FLG: variants seen among roughly 807,000 people sequenced by gnomAD.
The protein encoded by FLG is epidermal filaggrin.
Under a neutral mutation model 3.8 loss-of-function variants are expected in FLG, and 6 were observed. The ratio of observed to expected loss-of-function variants is 1.60; its 90% CI spans 0.87 to 3.15. FLG has a LOEUF of 3.15. FLG is among the 30% of genes most tolerant of loss of function. The pLI, the probability that FLG is intolerant of heterozygous loss-of-function variation, is 0.00. For missense variants in FLG, 7,595 were observed against 5,050.9 expected (o/e 1.50, Z -15.27); for synonymous variants, 2,551 against 1,931.6 (o/e 1.32, Z -8.41).
chr1:152,307,549 G>A lies in FLG; in HGVS notation c.7337C>T (p.Ala2446Val), dbSNP rs762196231. 1 of 1,613,814 alleles carries A rather than the reference G, an allele frequency of 6.2e-7. No homozygotes were observed. The highest frequency in any genetic ancestry group is 1.3e-5 in the African/African-American group (1 of 74,956). The change falls in exon 3 of 3, where the codon GCA (alanine) becomes GTA (valine). Residue 2446 changes from alanine (A) to valine (V), a missense_variant. Ala to Val is a moderately conservative substitution (Grantham distance 64). Transcript: ENST00000368799. Reference sequence around the variant, plus strand: ...CGTTGAGTGCCTGGAGCTGTCTCGTGCCTGCTTGTGGTGGGATCCTTGTCT... The same window carrying A: ...CGTTGAGTGCCTGGAGCTGTCTCGTACCTGCTTGTGGTGGGATCCTTGTCT... ...GGRQGSHHKQARDSSRHSTSQ... is the reference protein window; with the variant it reads ...GGRQGSHHKQVRDSSRHSTSQ...
At chr1:152,317,326 T>C (rs973435888) in intron 1 of FLG, among the ~76,000 whole-genome samples, 1 of 152,102 alleles carries the variant, frequency 6.6e-6, no homozygotes, top group Admixed American at 6.5e-5. Context: ...CCTCAAAAGA[T>C]ATGCCTATAC....
In FLG at chr1:152,312,003, C is replaced by A. The variant is rs748803204; in HGVS notation, c.2883G>T (p.Arg961Ser). Reference protein sequence around the residue: ...DSEGHSEDSERWSGSASRNHR... With the variant: ...DSEGHSEDSESWSGSASRNHR... The stretch of plus-strand genomic sequence containing the variant: ...GGTTTCTGGAAGCAGACCCAGACCA[C>A]CTCTCAGAGTCTTCTGAATGTCCCT... Residue 961 changes from arginine to serine, a missense_variant, in exon 3 of 3, where the codon AGG becomes AGT. Physicochemically the swap from Arg to Ser is moderately radical, Grantham distance 110 (BLOSUM62 -1). Coordinates refer to ENST00000368799, the MANE Select transcript of FLG (RefSeq NM_002016.2). 2.2e-5 allele frequency: 35 copies of A among 1,613,918 alleles called. No individual in the cohort carries two copies. Among genetic ancestry groups the A allele is most frequent in the Non-Finnish European group, 3.4e-6 (4 of 1,180,004 alleles).
Position 152,307,328 on chromosome 1 carries a change from C to A in FLG, c.7558G>T (p.Asp2520Tyr). 2.5e-6 allele frequency: 4 copies of A among 1,612,744 alleles called. No homozygotes were observed. In the South Asian group the frequency reaches 4.4e-5, roughly 18 times the overall value. Residue 2520 changes from aspartate (D) to tyrosine (Y), a missense_variant, in exon 3 of 3, where the codon GAT (aspartate) becomes TAT (tyrosine). Coordinates refer to ENST00000368799, the MANE Select transcript of FLG (RefSeq NM_002016.2). ...SRSASRQTRN[D>Y]EQSGDGSRHS... ...CTGGAGCCGTCTCCTGATTGTTCAT[C>A]GTTACGAGTTTGTCTGCTTGCACTT...
chr1:152,303,569 A>G lies in FLG; in HGVS notation c.11317T>C (p.Tyr3773His), dbSNP rs200306807. ...GSRRGGRQGSYHEQSVDRSGH... is the reference protein window; with the variant it reads ...GSRRGGRQGSHHEQSVDRSGH... Reference sequence around the variant, plus strand: ...GACCTATCTACCGATTGCTCGTGGTAGGATCCCTGTCTTCCTCCTCTCCTT... The same window carrying G: ...GACCTATCTACCGATTGCTCGTGGTGGGATCCCTGTCTTCCTCCTCTCCTT... Residue 3773 changes from tyrosine to histidine, a missense_variant, in exon 3 of 3, where the codon TAC becomes CAC. Physicochemically the swap from Tyr to His is moderately conservative, Grantham distance 83. Transcript: ENST00000368799. The G allele has an allele frequency of 3.0e-4, 479 of 1,613,632 alleles. No individual in the cohort carries two copies. The highest frequency in any genetic ancestry group is 6.5e-4 in the East Asian group (29 of 44,776).
chr1:152,316,188 C>T (rs1007047652), intron 1 of FLG, among the ~76,000 whole-genome samples: 3 of 151,992 alleles, frequency 2.0e-5, no homozygotes, highest in African/African-American at 4.8e-5. Flanking sequence ...CCAGGTGAAA[C>T]TAAAATACTG....
chr1:152,304,102 G>A lies in FLG; in HGVS notation c.10784C>T (p.Ser3595Phe), dbSNP rs1651772996. ...RAGHGHSAES[S>F]RQSGTHHAEN... is the part of the protein sequence containing the mutation. The stretch of plus-strand genomic sequence containing the variant: ...TGCATGATGAGTGCCTGATTGTCTG[G>A]AGCTCTCTGCAGAGTGCCCGTGACC... Residue 3595 changes from serine (S) to phenylalanine (F), a missense_variant, in exon 3 of 3, where the codon TCC becomes TTC. Coordinates refer to ENST00000368799, the MANE Select transcript of FLG (RefSeq NM_002016.2). The A allele has an allele frequency of 2.5e-6, 4 of 1,607,984 alleles. No homozygotes were observed. Among genetic ancestry groups the A allele is most frequent in the African/African-American group, 1.4e-5 (1 of 73,662 alleles).
Position 152,307,624 on chromosome 1 carries a change from T to G in FLG, c.7262A>C (p.His2421Pro). ...SGSFLYQVST[H>P]EQSESAHGRT... The stretch of plus-strand genomic sequence containing the variant: ...TCCATGGGCGGACTCAGACTGTTCA[T>G]GAGTGCTCACCTGGTAGAGGAAAGA... The change falls in exon 3 of 3, where the codon CAT becomes CCT. Residue 2421 changes from histidine to proline, a missense_variant. Transcript: ENST00000368799. 1 of 1,613,668 alleles carries G rather than the reference T, an allele frequency of 6.2e-7. No individual in the cohort carries two copies. The highest frequency in any genetic ancestry group is 8.5e-7 in the Non-Finnish European group (1 of 1,179,896).
chr1:152,308,216 G>A lies in FLG; in HGVS notation c.6670C>T (p.Leu2224=). 1.2e-6 allele frequency: 2 copies of A among 1,614,046 alleles called. No individual in the cohort carries two copies. Among genetic ancestry groups the A allele is most frequent in the Non-Finnish European group, 8.5e-7 (1 of 1,179,974 alleles). The change falls in exon 3 of 3, where the codon CTG becomes TTG. Residue 2224 remains leucine (L), a synonymous_variant. Transcript: ENST00000368799. ...SSWADSSRHS[L]VGQGQSSGPR... is the part of the protein sequence containing the mutation. ...CCTGATGATTGTCCCTGGCCCACCA[G>A]TGAGTGTCTAGAGCTGTCGGCCCAA...
At position 152,311,786 on chromosome 1, in the gene FLG, C is replaced by G; in HGVS notation, c.3100G>C (p.Gly1034Arg). The G allele has an allele frequency of 1.9e-6, 3 of 1,614,064 alleles. No homozygotes were observed. The highest frequency in any genetic ancestry group is 2.5e-6 in the Non-Finnish European group (3 of 1,180,016). ...QARSSPGERH[G>R]SRHQQSADSS... is the part of the protein sequence containing the mutation. ...TCTGCTGACTGCTGGTGGCGGGATC[C>G]GTGTCTTTCTCCTGGACTTGATCTT... Residue 1034 changes from glycine (G) to arginine (R), a missense_variant, in exon 3 of 3, where the codon GGA becomes CGA. By Grantham distance (125) the Gly-to-Arg change is moderately radical. Transcript: ENST00000368799.
Position 152,310,427 on chromosome 1 carries a change from C to A in FLG, c.4459G>T (p.Asp1487Tyr). 21 of 1,613,498 alleles carry A rather than the reference C, an allele frequency of 1.3e-5. No individual in the cohort carries two copies. The highest frequency in any genetic ancestry group is 1.6e-5 in the Non-Finnish European group (19 of 1,179,870). ...GACCCCGGGTGTCCACGAATGGTGTCCTGACCGTCTTGGGATGCTGAGTGC... is the reference window on the plus strand; with the variant it reads ...GACCCCGGGTGTCCACGAATGGTGTACTGACCGTCTTGGGATGCTGAGTGC... The part of the protein sequence containing the change: ...SRHSASQDGQ[D>Y]TIRGHPGSSR... Residue 1487 changes from aspartate (D) to tyrosine (Y), a missense_variant, in exon 3 of 3, where the codon GAC becomes TAC. Physicochemically the swap from Asp to Tyr is radical, Grantham distance 160 (BLOSUM62 -3). Coordinates refer to ENST00000368799, the MANE Select transcript of FLG (RefSeq NM_002016.2).
rs566605786 is a variant in FLG at position 152,309,736 on chromosome 1, C to T, written c.5150G>A (p.Ser1717Asn). Residue 1717 changes from serine (S) to asparagine (N), a missense_variant, in exon 3 of 3, where the codon AGC (serine) becomes AAC (asparagine). Physicochemically the swap from Ser to Asn is conservative, Grantham distance 46 (BLOSUM62 1). Coordinates refer to ENST00000368799, the MANE Select transcript of FLG (RefSeq NM_002016.2). ...GDSGNRGSSG[S>N]QASDSEGHSE... ...GTGTCCCTCGCTGTCACTGGCCTGGCTACCACTGGACCCTCGGTTTCCACT... is the reference window on the plus strand; with the variant it reads ...GTGTCCCTCGCTGTCACTGGCCTGGTTACCACTGGACCCTCGGTTTCCACT... 3.1e-6 allele frequency: 5 copies of T among 1,614,120 alleles called. No individual in the cohort carries two copies. The highest frequency in any genetic ancestry group is 1.6e-4 in the Middle Eastern group (1 of 6,062).
Position 152,310,184 on chromosome 1 carries a change from C to A in FLG, c.4702G>T (p.Ala1568Ser). The stretch of plus-strand genomic sequence containing the variant: ...ACCTGTGAGTGTCTAGAGCTGCCGG[C>A]CCGAGTGGAAGGTTCATGGTGACGT... Reference protein sequence around the residue: ...GSRHHEPSTRAGSSRHSQVGQ... With the variant: ...GSRHHEPSTRSGSSRHSQVGQ... Residue 1568 changes from alanine (A) to serine (S), a missense_variant, in exon 3 of 3, where the codon GCC becomes TCC. Physicochemically the swap from Ala to Ser is moderately conservative, Grantham distance 99 (BLOSUM62 1). Coordinates refer to ENST00000368799, the MANE Select transcript of FLG (RefSeq NM_002016.2). The A allele has an allele frequency of 6.2e-7, 1 of 1,613,884 alleles. No homozygotes were observed. The highest frequency in any genetic ancestry group is 8.5e-7 in the Non-Finnish European group (1 of 1,179,994).
Position 152,307,626 on chromosome 1 carries a change from A to G in FLG, c.7260T>C (p.Thr2420=). 1 of 1,613,112 alleles carries G rather than the reference A, an allele frequency of 6.2e-7. No individual in the cohort carries two copies. Among genetic ancestry groups the G allele is most frequent in the Non-Finnish European group, 8.5e-7 (1 of 1,179,832 alleles). The part of the protein sequence containing the change: ...RSGSFLYQVS[T]HEQSESAHGR... Reference sequence around the variant, plus strand: ...CATGGGCGGACTCAGACTGTTCATGAGTGCTCACCTGGTAGAGGAAAGACC... The same window carrying G: ...CATGGGCGGACTCAGACTGTTCATGGGTGCTCACCTGGTAGAGGAAAGACC... Residue 2420 remains threonine, a synonymous_variant, in exon 3 of 3, where the codon ACT becomes ACC. Transcript: ENST00000368799.
rs1652612977 is a variant in FLG at position 152,313,580 on chromosome 1, A to T, written c.1306T>A (p.Ser436Thr). ...EGHSENSDTQ[S>T]VSGHGKAGLR... ...CCAGCCTTTCCGTGGCCTGACACTG[A>T]TTGTGTGTCTGAGTTTTCTGAATGT... is the stretch of plus-strand genomic sequence containing the variant. The change falls in exon 3 of 3, where the codon TCA becomes ACA. Residue 436 changes from serine to threonine, a missense_variant. By Grantham distance (58) the Ser-to-Thr change is moderately conservative (BLOSUM62 1). Transcript: ENST00000368799. 6.2e-7 allele frequency: 1 copy of T among 1,613,510 alleles called. No homozygotes were observed. Among genetic ancestry groups the T allele is most frequent in the Non-Finnish European group, 8.5e-7 (1 of 1,179,938 alleles).
Position 152,311,878 on chromosome 1 carries a change from CTG to C in FLG, c.3006_3007del (p.Arg1003ThrfsTer20). 6.2e-7 allele frequency: 1 copy of C among 1,614,150 alleles called. No individual in the cohort carries two copies. Among genetic ancestry groups the C allele is most frequent in the Non-Finnish European group, 8.5e-7 (1 of 1,180,018 alleles). ...CTCTGCGTGAGGAGTTCCTGATTGT[CTG>C]GAGCTGTCTGCAGAGTGCCCGTGAC... On this transcript the variant is annotated frameshift_variant, in exon 3 of 3. Transcript: ENST00000368799. LOFTEE classifies it low-confidence loss of function (END_TRUNC).
chr1:152,306,165 C>G lies in FLG; in HGVS notation c.8721G>C (p.Trp2907Cys), dbSNP rs775033195. Residue 2907 changes from tryptophan (W) to cysteine (C), a missense_variant, in exon 3 of 3, where the codon TGG becomes TGC. Coordinates refer to ENST00000368799, the MANE Select transcript of FLG (RefSeq NM_002016.2). ...GATGGTTTCTGGAAGCAGACCCAGA[C>G]CACCTCTCAGAGTCTTCTGAATGTC... ...SEGHSEDSERWSGSASRNHHG... is the reference protein window; with the variant it reads ...SEGHSEDSERCSGSASRNHHG... The G allele has an allele frequency of 1.2e-6, 2 of 1,601,868 alleles. No individual in the cohort carries two copies. Among genetic ancestry groups the G allele is most frequent in the Non-Finnish European group, 1.7e-6 (2 of 1,180,036 alleles).
rs1355501287 is a variant in FLG, at chr1:152,312,950, G to A, written c.1936C>T (p.His646Tyr). Residue 646 changes from histidine (H) to tyrosine (Y), a missense_variant, in exon 3 of 3, where the codon CAT (histidine) becomes TAT (tyrosine). By Grantham distance (83) the His-to-Tyr change is moderately conservative. Transcript: ENST00000368799. ...CTTGACTGCTCCTGAGCAGATCCAT[G>A]ATGGTTTCTGGAAGCAGACCCAGAC... ...RWSGSASRNH[H>Y]GSAQEQSRDG... 3 of 1,614,006 alleles carry A rather than the reference G, an allele frequency of 1.9e-6. No homozygotes were observed. Among genetic ancestry groups the A allele is most frequent in the Admixed American group, 1.7e-5 (1 of 60,020 alleles).
Position 152,312,076 on chromosome 1 carries a change from C to A in FLG, c.2810G>T (p.Arg937Met). Residue 937 changes from arginine to methionine, a missense_variant, in exon 3 of 3, where the codon AGG (arginine) becomes ATG (methionine). Physicochemically the swap from Arg to Met is moderately conservative, Grantham distance 91. Transcript: ENST00000368799. ...QAGQGQSEGS[R>M]TSRRQGSSVS... ...ACTGGATCCCTGGCGCCTGCTTGTC[C>A]TGGACCCCTCTGATTGTCCCTGGCC... 1 of 1,614,144 alleles carries A rather than the reference C, an allele frequency of 6.2e-7. No individual in the cohort carries two copies.
chr1:152,303,908 T>C lies in FLG; in HGVS notation c.10978A>G (p.Ser3660Gly), dbSNP rs746379359. 23 of 1,613,860 alleles carry C rather than the reference T, an allele frequency of 1.4e-5. No homozygotes were observed. The South Asian group carries it at 2.5e-4, about 18-fold the overall frequency. Residue 3660 changes from serine (S) to glycine (G), a missense_variant, in exon 3 of 3, where the codon AGT becomes GGT. By Grantham distance (56) the Ser-to-Gly change is moderately conservative. Transcript: ENST00000368799. Reference protein sequence around the residue: ...AVRDSGHRGSSGSQASDSEGH... With the variant: ...AVRDSGHRGSGGSQASDSEGH... ...TCACTGTCACTGGCCTGACTACCACTGGACCCTCGGTGTCCACTGTCTCTG... is the reference window on the plus strand; with the variant it reads ...TCACTGTCACTGGCCTGACTACCACCGGACCCTCGGTGTCCACTGTCTCTG...
Sources: gnomAD v4.1 joint callset for allele counts (sites outside exome capture counted in the v4.1 genomes callset) on GRCh38, gnomAD v4.1.1 for gene constraint, MANE v1.5 for transcripts, NCBI Gene and HGNC (gene_info 2026-07-23, HGNC 2026-07-21) for gene names.